The following PAPPA2 variants were observed in gnomAD, a reference collection of about 807,000 sequenced individuals.
PAPPA2 encodes pappalysin 2.
Under a neutral mutation model 176.4 loss-of-function variants are expected in PAPPA2, and 86 were observed. The ratio of observed to expected loss-of-function variants is 0.49; its 90% confidence interval spans 0.41 to 0.58. PAPPA2 has a LOEUF of 0.58. PAPPA2 is among the 20% of genes least tolerant of loss of function. The pLI is 0.00. For synonymous variants in PAPPA2, 809 were observed against 852.2 expected (o/e 0.95, Z 0.88); for missense variants, 2,073 against 2,256.9 (o/e 0.92, Z 1.65).
chr1:176,633,154 G>T (rs76103775), intron 3 of PAPPA2, among the ~76,000 whole-genome samples: 1 of 152,208 alleles, frequency 6.6e-6, no homozygotes, highest in Non-Finnish European at 1.5e-5. Flanking sequence ...CTAGCATGAG[G>T]AGCGGCAGTC....
At chr1:176,789,351 G>A (rs374856308) in intron 17 of PAPPA2, among the ~76,000 whole-genome samples, 4 of 151,938 alleles carry the variant, frequency 2.6e-5, no homozygotes. Context: ...GAATTGAACA[G>A]TGAGAACACA....
intron 14 of PAPPA2, among the ~76,000 whole-genome samples, chr1:176,758,772 A>G (rs1276873299): frequency 6.6e-6 from 1 of 152,220 alleles, no homozygotes; most frequent in African/African-American, 2.4e-5. Context: ...AAATATACTG[A>G]GCAAGAAAGA....
rs896825028 is a variant in PAPPA2 at position 176,552,373 on chromosome 1, C to T, written c.-916-3034C>T. On this transcript the variant is annotated intron_variant, in intron 1 of 22. Coordinates refer to ENST00000367662, the MANE Select transcript of PAPPA2 (RefSeq NM_020318.3). Reference sequence around the variant, plus strand: ...CCCTTCCCCTTTCCCTCTTTCCCCACGCCTCCTTCTTTCTTCTCTTTTCTT... The same window carrying T: ...CCCTTCCCCTTTCCCTCTTTCCCCATGCCTCCTTCTTTCTTCTCTTTTCTT... Among the ~76,000 whole-genome samples, 14 of 149,036 alleles carry T rather than the reference C, an allele frequency of 9.4e-5. No individual in the cohort carries two copies. The South Asian group carries it at 1.1e-3, about 12-fold the overall frequency.
At chr1:176,610,344 TG>T (rs35317617) in intron 3 of PAPPA2, among the ~76,000 whole-genome samples, 77,407 of 140,478 alleles carry the variant, frequency 0.55, 23,242 homozygotes, top group African/African-American at 0.84. Flanking sequence ...AAGTTGTGTG[TG>T]GGGGGGGGGA....
chr1:176,705,521 A>G (rs528511115), intron 9 of PAPPA2, among the ~76,000 whole-genome samples: 1 of 152,124 alleles, frequency 6.6e-6, no homozygotes, highest in Non-Finnish European at 1.5e-5. Flanking sequence ...AGCATGAAAA[A>G]AGTCAAGGAG....
chr1:176,519,442 A>G (rs1449918136), intron 1 of PAPPA2, among the ~76,000 whole-genome samples: 2 of 152,154 alleles, frequency 1.3e-5, no homozygotes, highest in African/African-American at 4.8e-5. Context: ...CTTTAGACCT[A>G]ACAGCAATAC....
Position 176,706,356 on chromosome 1 carries a change from T to C in PAPPA2, c.3366-3T>C, listed in dbSNP as rs1660881571. The stretch of plus-strand genomic sequence containing the variant: ...ATATATGCATATATATTTTACCCTC[T>C]AGGAGACTGGGAGAAGAGTGTGATG... On this transcript the variant is annotated splice_region_variant and splice_polypyrimidine_tract_variant and intron_variant, in intron 9 of 22. Transcript: ENST00000367662. 2 of 1,613,250 alleles carry C rather than the reference T, an allele frequency of 1.2e-6. No homozygotes were observed. Among genetic ancestry groups the C allele is most frequent in the South Asian group, 2.2e-5 (2 of 91,064 alleles).
At chr1:176,532,408 G>C (rs530286223) in intron 1 of PAPPA2, among the ~76,000 whole-genome samples, 16 of 152,150 alleles carry the variant, frequency 1.1e-4, no homozygotes, top group African/African-American at 4.8e-5. Context: ...TCTGCGTCCA[G>C]GTAATGTGAC....
chr1:176,663,602 A>G (rs930565232), intron 3 of PAPPA2, among the ~76,000 whole-genome samples: 1 of 152,052 alleles, frequency 6.6e-6, no homozygotes, highest in Non-Finnish European at 1.5e-5. Flanking sequence ...ATTAGTTACT[A>G]TAACTTTATA....
At position 176,789,887 on chromosome 1, in the gene PAPPA2, C is replaced by T. The variant is rs370975194; in HGVS notation, c.4794C>T (p.Pro1598=). The T allele has an allele frequency of 1.1e-5, 18 of 1,613,960 alleles. No individual in the cohort carries two copies. The highest frequency in any genetic ancestry group is 1.5e-5 in the Non-Finnish European group (18 of 1,179,990). Reference sequence around the variant, plus strand: ...GCATTCCTGTGGTGTGTGAGCCACCCCCTCCTGTGTTTGAAGGCATGTATG... The same window carrying T: ...GCATTCCTGTGGTGTGTGAGCCACCTCCTCCTGTGTTTGAAGGCATGTATG... The part of the protein sequence containing the change: ...GSCIPVVCEP[P]PPVFEGMYEC... Residue 1598 remains proline, a synonymous_variant, in exon 18 of 23, where the codon CCC becomes CCT. Coordinates refer to ENST00000367662, the MANE Select transcript of PAPPA2 (RefSeq NM_020318.3).
At chr1:176,766,751 A>G (rs1337121701) in intron 15 of PAPPA2, among the ~76,000 whole-genome samples, 1 of 152,220 alleles carries the variant, frequency 6.6e-6, no homozygotes, top group East Asian at 1.9e-4. Context: ...TAAACATAAA[A>G]TCAGCCATTA....
At chr1:176,579,525 T>C (rs1652841992) in intron 2 of PAPPA2, among the ~76,000 whole-genome samples, 1 of 152,298 alleles carries the variant, frequency 6.6e-6, no homozygotes, top group Middle Eastern at 3.4e-3. Context: ...CCAAACTATT[T>C]CCTGGTGTGG....
intron 1 of PAPPA2, among the ~76,000 whole-genome samples, chr1:176,483,365 A>G (rs747803865): frequency 1.3e-4 from 19 of 151,776 alleles, no homozygotes; most frequent in Admixed American, 3.3e-4. Flanking sequence ...TGAGGGATAT[A>G]GAAGTACTAA....
chr1:176,775,041 A>C lies in PAPPA2; in HGVS notation c.4715+3861A>C, dbSNP rs963294394. On this transcript the variant is annotated intron_variant, in intron 17 of 22. Coordinates refer to ENST00000367662, the MANE Select transcript of PAPPA2 (RefSeq NM_020318.3). ...ACTCCTACTCTCTTATTTTTAGTGC[A>C]GGTATGATGTTGTCCAGGAAGCCTA... Among the ~76,000 whole-genome samples, 3 of 152,084 alleles carry C rather than the reference A, an allele frequency of 2.0e-5. No individual in the cohort carries two copies. In the East Asian group the frequency reaches 5.8e-4, roughly 29 times the overall value.
chr1:176,480,816 A>G (rs570836867), intron 1 of PAPPA2, among the ~76,000 whole-genome samples: 1 of 151,008 alleles, frequency 6.6e-6, no homozygotes, highest in Non-Finnish European at 1.5e-5. Context: ...GGAAAATCCT[A>G]CGTTCATACC....
intron 1 of PAPPA2, among the ~76,000 whole-genome samples, chr1:176,465,309 A>C (rs1479151276): frequency 6.6e-6 from 1 of 152,220 alleles, no homozygotes; most frequent in Non-Finnish European, 1.5e-5. Context: ...GAGGCATGAC[A>C]CACATGCAAA....
At chr1:176,617,145 A>G (rs1319756882) in intron 3 of PAPPA2, among the ~76,000 whole-genome samples, 3 of 152,190 alleles carry the variant, frequency 2.0e-5, no homozygotes, top group South Asian at 4.1e-4. Flanking sequence ...TACAGTTCAC[A>G]TGTCTGAATA....
At chr1:176,747,921 T>G (rs1662981751) in intron 14 of PAPPA2, among the ~76,000 whole-genome samples, 1 of 152,204 alleles carries the variant, frequency 6.6e-6, no homozygotes, top group African/African-American at 2.4e-5. Flanking sequence ...GAAACCACCC[T>G]TACTTCCTTG....
intron 14 of PAPPA2, among the ~76,000 whole-genome samples, chr1:176,755,884 C>T (rs918918948): frequency 6.6e-6 from 1 of 152,112 alleles, no homozygotes; most frequent in Non-Finnish European, 1.5e-5. Context: ...ATATTACATA[C>T]TCTATTCTTA....
Sources: allele counts gnomAD v4.1 joint callset (sites outside exome capture counted in the v4.1 genomes callset), GRCh38; gene constraint gnomAD v4.1.1; transcripts MANE v1.5; gene names NCBI Gene and HGNC (gene_info 2026-07-23, HGNC 2026-07-21).